The following TSC22D3 variants were observed in gnomAD, a reference collection of about 807,000 sequenced individuals.
TSC22D3 encodes the protein TSC22 domain family member 3.
TSC22D3 carries 4 observed loss-of-function variants against 11.1 expected under a neutral mutation model. The ratio of observed to expected loss-of-function variants is 0.36; its 90% CI spans 0.18 to 0.83. TSC22D3 has a LOEUF of 0.83. Among genes scored for constraint, TSC22D3 ranks in the 40% least tolerant of loss-of-function variants. The probability of loss-of-function intolerance (pLI) is 0.48; values close to 1 mark genes in which losing one functional copy is unlikely to be tolerated. For missense variants in TSC22D3, 118 were observed against 159.4 expected (o/e 0.74, Z 1.40); for synonymous variants, 77 against 70.3 (o/e 1.10, Z -0.48).
At chrX:107,725,440 C>T (rs1474805709) in intron 1 of TSC22D3, among the ~76,000 whole-genome samples, 1 of 111,508 alleles carries the variant, frequency 9.0e-6, no homozygotes, top group African/African-American at 3.3e-5. Flanking sequence ...GGACGCAGCT[C>T]TTTTGACACC....
chrX:107,718,846 C>T (rs780939912), intron 1 of TSC22D3, among the ~76,000 whole-genome samples: 5 of 111,513 alleles, frequency 4.5e-5, no homozygotes, highest in Non-Finnish European at 9.4e-5. Context: ...TCTCTGAACA[C>T]GGTGTTTGCA....
intron 1 of TSC22D3, among the ~76,000 whole-genome samples, chrX:107,742,281 AAG>A (rs764889060): frequency 0.11 from 6,147 of 56,567 alleles, 284 homozygotes; most frequent in Non-Finnish European, 0.12. Flanking sequence ...GAGAGAGAGA[AAG>A]AGAGAGAGAG....
chrX:107,737,208 G>A (rs1165037556), intron 1 of TSC22D3, among the ~76,000 whole-genome samples: 1 of 111,537 alleles, frequency 9.0e-6, no homozygotes, highest in African/African-American at 3.3e-5. Flanking sequence ...GGCATGCTGA[G>A]GTATAAATGA....
rs1217995392 is a variant in TSC22D3 at position 107,775,577 on chromosome X, CG to C, written c.-159del. 3 of 437,564 alleles carry C rather than the reference CG, an allele frequency of 6.9e-6. No homozygotes were observed. The highest frequency in any genetic ancestry group is 7.8e-6 in the Non-Finnish European group (2 of 256,096). 36.1% of individuals were successfully genotyped at this position (437,564 alleles called of 1,213,427 possible). A position where few individuals can be genotyped will look rare whatever the true frequency, so the allele number is the denominator to read the frequency against. On this transcript the variant is annotated 5_prime_UTR_variant, in exon 1 of 3. Transcript: ENST00000372383. Reference sequence around the variant, plus strand: ...CGCCTAAAGCCAGCCACCTTCGGCTCGGCCCCCTTCTGGCTGTACTGCTCCG... The same window carrying C: ...CGCCTAAAGCCAGCCACCTTCGGCTCGCCCCCTTCTGGCTGTACTGCTCCG...
chrX:107,744,380 T>A (rs1401622726), intron 1 of TSC22D3, among the ~76,000 whole-genome samples: 1 of 110,583 alleles, frequency 9.0e-6, no homozygotes, highest in Non-Finnish European at 1.9e-5. Context: ...TTTTGGGAGG[T>A]TGAGGCGGGC....
At chrX:107,773,896 C>T (rs991886051) in intron 1 of TSC22D3, among the ~76,000 whole-genome samples, 2 of 111,764 alleles carry the variant, frequency 1.8e-5, no homozygotes. Flanking sequence ...AGCCTGCTTG[C>T]ATTCTAAATA....
At chrX:107,771,029 G>T (rs1929884848) in intron 1 of TSC22D3, among the ~76,000 whole-genome samples, 1 of 112,072 alleles carries the variant, frequency 8.9e-6, no homozygotes, top group South Asian at 3.7e-4. Flanking sequence ...TATGTCACAG[G>T]ACTGGGATGG....
intron 1 of TSC22D3, among the ~76,000 whole-genome samples, chrX:107,774,580 A>G (rs1443456935): frequency 1.8e-5 from 2 of 110,445 alleles, no homozygotes; most frequent in Non-Finnish European, 3.8e-5. Flanking sequence ...ATTTTTAAAA[A>G]TTTTCCCCTC....
intron 1 of TSC22D3, chrX:107,722,016 T>C: frequency 2.8e-6 from 1 of 363,075 alleles, no homozygotes; most frequent in Non-Finnish European, 5.0e-6. Flanking sequence ...ATAGTTACTT[T>C]GGTTTCATGG....
intron 1 of TSC22D3, among the ~76,000 whole-genome samples, chrX:107,733,764 A>G (rs773628861): frequency 8.9e-6 from 1 of 112,155 alleles, no homozygotes; most frequent in Non-Finnish European, 1.9e-5. Flanking sequence ...ACTGAGCACA[A>G]TGTGGAACAC....
At chrX:107,761,084 C>G (rs1569454088) in intron 1 of TSC22D3, among the ~76,000 whole-genome samples, 2 of 112,352 alleles carry the variant, frequency 1.8e-5, no homozygotes, top group Non-Finnish European at 3.8e-5. Context: ...TAGGAGTGTC[C>G]TCTCACTTCA....
At chrX:107,716,545 T>TGGGCGC in intron 1 of TSC22D3, 1 of 796,144 alleles carries the variant, frequency 1.3e-6, no homozygotes, top group Non-Finnish European at 1.5e-6. Flanking sequence ...CCTTCCTGCG[T>TGGGCGC]CCCCTCCCCC....
intron 1 of TSC22D3, among the ~76,000 whole-genome samples, chrX:107,739,602 C>G (rs765397028): frequency 1.8e-5 from 2 of 112,453 alleles, no homozygotes; most frequent in African/African-American, 6.5e-5. Flanking sequence ...GCCAGGAAGC[C>G]AGAGTCTGGA....
At chrX:107,757,249 TTTG>T (rs1929218726) in intron 1 of TSC22D3, among the ~76,000 whole-genome samples, 1 of 112,008 alleles carries the variant, frequency 8.9e-6, no homozygotes, top group Admixed American at 9.4e-5. Context: ...TACAACATAT[TTTG>T]TTGTTGTTGT....
intron 1 of TSC22D3, among the ~76,000 whole-genome samples, chrX:107,735,593 G>A (rs192491221): frequency 5.4e-5 from 6 of 110,580 alleles, no homozygotes; most frequent in African/African-American, 9.9e-5. Context: ...GCCAGGCGAC[G>A]GCTCCTCACT....
chrX:107,715,424 A>C (rs1195161932), intron 2 of TSC22D3, among the ~76,000 whole-genome samples: 1 of 112,337 alleles, frequency 8.9e-6, no homozygotes, highest in Non-Finnish European at 1.9e-5. Flanking sequence ...AACCCTCTGC[A>C]GCCATTGTGG....
chrX:107,740,229 T>C (rs770876940), intron 1 of TSC22D3, among the ~76,000 whole-genome samples: 1 of 111,806 alleles, frequency 8.9e-6, no homozygotes, highest in South Asian at 3.7e-4. Flanking sequence ...TCAGGGCCAC[T>C]TGTGACTAAG....
chrX:107,769,109 T>C (rs1381476620), intron 1 of TSC22D3, among the ~76,000 whole-genome samples: 1 of 112,345 alleles, frequency 8.9e-6, no homozygotes, highest in Non-Finnish European at 1.9e-5. Context: ...CAAAATTGTG[T>C]TGAAAAGTAG....
In TSC22D3 at chrX:107,715,918, T is replaced by C. The variant is rs1019954689; in HGVS notation, c.353A>G (p.Asn118Ser). The change falls in exon 2 of 3, where the codon AAC becomes AGC. Residue 118 changes from asparagine to serine, a missense_variant. Transcript: ENST00000372383. ...ACTCACCATGGCCTGTTCGATCTTGTTGTCTATGGCCACCACGCTGGCTCC... is the reference window on the plus strand; with the variant it reads ...ACTCACCATGGCCTGTTCGATCTTGCTGTCTATGGCCACCACGCTGGCTCC... ...ASGASVVAID[N>S]KIEQAMDLVK... is the part of the protein sequence containing the mutation. The C allele has an allele frequency of 2.5e-6, 3 of 1,209,756 alleles. No individual in the cohort carries two copies. The highest frequency in any genetic ancestry group is 4.4e-5 in the Admixed American group (2 of 45,877).
Sources: allele counts gnomAD v4.1 joint callset (sites outside exome capture counted in the v4.1 genomes callset), GRCh38; gene constraint gnomAD v4.1.1; transcripts MANE v1.5; gene names NCBI Gene and HGNC (gene_info 2026-07-23, HGNC 2026-07-21).